AFG2A: variants seen among roughly 807,000 people sequenced by gnomAD.
AFG2A encodes AAA ATPase AFG2A, also known as ATPase family gene 2 protein homolog A.
At chr4:123,099,925 G>C in the AFG2A span, among the ~76,000 whole-genome samples, 1 of 151,736 alleles carries the variant, frequency 6.6e-6, no homozygotes, top group Non-Finnish European at 1.5e-5. Context: ...TCTAAATTTT[G>C]AAAGATTCTG....
chr4:123,039,293 G>A, the AFG2A span, among the ~76,000 whole-genome samples: 18 of 152,002 alleles, frequency 1.2e-4, no homozygotes, highest in Non-Finnish European at 2.2e-4. Context: ...AAGAACAACA[G>A]CAATAATGTA....
At chr4:123,020,078 G>A in the AFG2A span, among the ~76,000 whole-genome samples, 1 of 152,136 alleles carries the variant, frequency 6.6e-6, no homozygotes, top group Middle Eastern at 3.4e-3. Flanking sequence ...GTTTTTGGCT[G>A]AACCTTTTAA....
the AFG2A span, among the ~76,000 whole-genome samples, chr4:123,267,905 CTATCT>C: frequency 6.6e-6 from 1 of 152,004 alleles, no homozygotes; most frequent in African/African-American, 2.4e-5. Context: ...AGTTGACTCA[CTATCT>C]GAACTGAGTA....
the AFG2A span, among the ~76,000 whole-genome samples, chr4:123,092,296 G>C: frequency 6.6e-6 from 1 of 152,128 alleles, no homozygotes. Context: ...CTTTCTCCTG[G>C]TAAGAATTCA....
At chr4:122,929,705 A>AC in the AFG2A span, among the ~76,000 whole-genome samples, 14 of 151,256 alleles carry the variant, frequency 9.3e-5, no homozygotes, top group South Asian at 3.0e-3. Context: ...TCTCAAAGAA[A>AC]AAAAAAGTTA....
At chr4:123,197,769 A>AT in the AFG2A span, among the ~76,000 whole-genome samples, 8 of 122,772 alleles carry the variant, frequency 6.5e-5, no homozygotes, top group South Asian at 1.6e-3. Context: ...CTCCATCTCA[A>AT]AAAATAAATA....
the AFG2A span, among the ~76,000 whole-genome samples, chr4:123,254,448 A>G: frequency 6.6e-6 from 1 of 152,068 alleles, no homozygotes; most frequent in Admixed American, 6.5e-5. Flanking sequence ...TCCTCTAGAT[A>G]CTCTCACACT....
chr4:122,923,455 A>G, the AFG2A span: 165 of 1,038,682 alleles, frequency 1.6e-4, 2 homozygotes, highest in African/African-American at 2.3e-3. Flanking sequence ...AGACTTCTGT[A>G]TGTAAGAAGC....
At chr4:123,180,474 T>G in the AFG2A span, among the ~76,000 whole-genome samples, 938 of 152,244 alleles carry the variant, frequency 6.2e-3, 10 homozygotes, top group African/African-American at 0.021. Flanking sequence ...AGGTATAAAC[T>G]AGAGTGTGAT....
At chr4:123,145,742 C>A in the AFG2A span, among the ~76,000 whole-genome samples, 2 of 152,126 alleles carry the variant, frequency 1.3e-5, no homozygotes, top group Middle Eastern at 6.8e-3. Context: ...GATTAGGAAA[C>A]TGATCCCCAA....
the AFG2A span, among the ~76,000 whole-genome samples, chr4:123,034,530 C>T: frequency 7.5e-6 from 1 of 133,918 alleles, no homozygotes; most frequent in Non-Finnish European, 1.6e-5. Flanking sequence ...AGCATGATAG[C>T]TAAATGTAAT....
the AFG2A span, among the ~76,000 whole-genome samples, chr4:122,942,566 C>A: frequency 3.4e-3 from 512 of 152,062 alleles, 3 homozygotes; most frequent in Middle Eastern, 0.014. Flanking sequence ...CAATTTTGTT[C>A]ATCCTTCCAA....
At chr4:123,011,841 G>A in the AFG2A span, among the ~76,000 whole-genome samples, 1 of 152,066 alleles carries the variant, frequency 6.6e-6, no homozygotes, top group South Asian at 2.1e-4. Context: ...GAGTGAAGGG[G>A]TGGGGGGTGC....
At chr4:123,210,296 C>T in the AFG2A span, among the ~76,000 whole-genome samples, 4 of 152,300 alleles carry the variant, frequency 2.6e-5, no homozygotes, top group East Asian at 7.7e-4. Context: ...TCATGACATA[C>T]AATAGGTTTC....
At chr4:122,969,530 G>T in the AFG2A span, among the ~76,000 whole-genome samples, 1 of 152,028 alleles carries the variant, frequency 6.6e-6, no homozygotes, top group Non-Finnish European at 1.5e-5. Context: ...TAAAAAAATG[G>T]TCATCAAAAT....
the AFG2A span, among the ~76,000 whole-genome samples, chr4:122,995,608 G>C: frequency 2.2e-3 from 329 of 152,274 alleles, 1 homozygote; most frequent in African/African-American, 7.7e-3. Context: ...GATAGCAAAA[G>C]TTACTGGAAG....
the AFG2A span, among the ~76,000 whole-genome samples, chr4:122,959,770 C>T: frequency 5.3e-5 from 8 of 152,192 alleles, no homozygotes; most frequent in African/African-American, 1.7e-4. Flanking sequence ...ACAATCCATA[C>T]TTTGTGAGAG....
chr4:123,175,513 G>A, the AFG2A span, among the ~76,000 whole-genome samples: 1 of 152,168 alleles, frequency 6.6e-6, no homozygotes, highest in Non-Finnish European at 1.5e-5. Context: ...GAGGATTTGG[G>A]GTAATGAGGA....
the AFG2A span, among the ~76,000 whole-genome samples, chr4:122,979,610 A>G: frequency 6.6e-6 from 1 of 152,320 alleles, no homozygotes; most frequent in Admixed American, 6.5e-5. Context: ...ATTTTGCAAA[A>G]CTGAAGTACA....
Sources: allele counts gnomAD v4.1 joint callset (sites outside exome capture counted in the v4.1 genomes callset), GRCh38; gene constraint gnomAD v4.1.1; transcripts MANE v1.5; gene names NCBI Gene and HGNC (gene_info 2026-07-23, HGNC 2026-07-21).